Variants in TMCO6 observed in about 807,000 individuals in gnomAD.
TMCO6 encodes the protein transmembrane and coiled-coil domain-containing protein 6.
TMCO6 carries 47 observed loss-of-function variants against 61.8 expected under a neutral mutation model. The observed-to-expected ratio is 0.76, with a 90% confidence interval of 0.60 to 0.97. The LOEUF (loss-of-function observed/expected upper bound fraction) is 0.97, where lower values mean the gene tolerates loss of function less well. TMCO6 is among the 50% of genes least tolerant of loss of function. The pLI is 0.00. For missense variants in TMCO6, 557 were observed against 601.6 expected (o/e 0.93, Z 0.78); for synonymous variants, 261 against 254.2 (o/e 1.03, Z -0.25).
At chr5:140,624,836 ATTTC>A in the TMCO6 span, among the ~76,000 whole-genome samples, 615 of 137,390 alleles carry the variant, frequency 4.5e-3, 17 homozygotes, top group Middle Eastern at 8.2e-3. Flanking sequence ...CCTCACCATC[ATTTC>A]TTTCTTTCTT....
the TMCO6 span, among the ~76,000 whole-genome samples, chr5:140,601,654 T>C: frequency 2.0e-5 from 3 of 152,136 alleles, no homozygotes; most frequent in African/African-American, 7.2e-5. Context: ...CTCCCTTCCT[T>C]ATAAGGATGA....
chr5:140,606,133 C>T, the TMCO6 span, among the ~76,000 whole-genome samples: 1 of 58,614 alleles, frequency 1.7e-5, no homozygotes, highest in African/African-American at 1.3e-4. Flanking sequence ...TTCCTTTTCC[C>T]CTTCCTTCCT....
At chr5:140,647,385 G>C (rs1390545881), downstream of TMCO6, 1 of 1,610,780 alleles carries the variant, frequency 6.2e-7, no homozygotes. Flanking sequence ...AGAGAGCGCC[G>C]CGCGTGCTGT....
intron 6 of TMCO6, 65 bp downstream of exon 6, chr5:140,642,736 G>T: frequency 1.9e-6 from 3 of 1,587,980 alleles, no homozygotes; most frequent in Non-Finnish European, 2.6e-6. Context: ...GCTCCCGGAT[G>T]CCTGAATGAT....
chr5:140,645,699 G>A, downstream of TMCO6: 1 of 1,614,194 alleles, frequency 6.2e-7, no homozygotes, highest in South Asian at 1.1e-5. Flanking sequence ...AGAGGGAGGT[G>A]TCTTTAACTA....
chr5:140,635,536 G>A (rs1404488494), upstream of TMCO6, among the ~76,000 whole-genome samples: 1 of 152,152 alleles, frequency 6.6e-6, no homozygotes, highest in Non-Finnish European at 1.5e-5. Flanking sequence ...TCCAAGTTAA[G>A]AGGGGCAGTG....
upstream of TMCO6, among the ~76,000 whole-genome samples, chr5:140,637,824 A>T (rs1474593795): frequency 6.6e-6 from 1 of 152,182 alleles, no homozygotes; most frequent in African/African-American, 2.4e-5. Context: ...AGAAAAATTT[A>T]AAATCTACCT....
At chr5:140,626,441 C>T in the TMCO6 span, among the ~76,000 whole-genome samples, 1 of 152,120 alleles carries the variant, frequency 6.6e-6, no homozygotes, top group African/African-American at 2.4e-5. Flanking sequence ...CACTTTGTCA[C>T]CCTGGCTGGA....
rs757671520 is a variant in TMCO6 at position 140,642,659 on chromosome 5, A to G, written c.677A>G (p.Glu226Gly). 1.3e-4 allele frequency: 203 copies of G among 1,614,074 alleles called. 1 individual carries two copies. The South Asian group carries it at 2.0e-3, about 16-fold the overall frequency. Residue 226 changes from glutamate (E) to glycine (G), a missense_variant, in exon 6 of 12, where the codon GAG becomes GGG. Physicochemically the swap from Glu to Gly is moderately conservative, Grantham distance 98. Coordinates refer to ENST00000394671, the MANE Select transcript of TMCO6 (RefSeq NM_018502.5). ...CTTCTACAGGCTGAGGAAGCTCCAG[A>G]GAAGATCATTCCGTGAGTAAAATTG... The part of the protein sequence containing the change: ...SQLLQAEEAP[E>G]KIIPSILAST...
At chr5:140,610,325 C>T in the TMCO6 span, among the ~76,000 whole-genome samples, 4 of 152,146 alleles carry the variant, frequency 2.6e-5, no homozygotes, top group South Asian at 6.2e-4. Flanking sequence ...CCACTCCACT[C>T]CAGCCTGGCG....
chr5:140,607,189 A>T, the TMCO6 span, among the ~76,000 whole-genome samples: 1 of 151,848 alleles, frequency 6.6e-6, no homozygotes, highest in Non-Finnish European at 1.5e-5. Context: ...TTATGCAATA[A>T]CTCCCTGTCT....
the TMCO6 span, among the ~76,000 whole-genome samples, chr5:140,625,660 C>T: frequency 1.3e-5 from 2 of 152,216 alleles, no homozygotes; most frequent in Non-Finnish European, 2.9e-5. Flanking sequence ...AATATGAACA[C>T]TTTAAGAGCA....
the TMCO6 span, chr5:140,632,374 T>C: frequency 1.9e-5 from 30 of 1,614,152 alleles, no homozygotes; most frequent in Admixed American, 3.3e-4. This position sits in a 1 kb window ranked among gnomAD's most constrained non-coding sequence, Gnocchi z 6.2. Flanking sequence ...AGTCCAGGAT[T>C]GTCAGACAGG....
the TMCO6 span, among the ~76,000 whole-genome samples, chr5:140,628,220 A>C: frequency 6.6e-6 from 1 of 151,730 alleles, no homozygotes; most frequent in South Asian, 2.1e-4. Flanking sequence ...CACAACTTAC[A>C]CAGACCATCT....
chr5:140,644,999 C>T lies in TMCO6; in HGVS notation c.1383C>T (p.Phe461=). Residue 461 remains phenylalanine (F), a synonymous_variant, in exon 12 of 12, where the codon TTC becomes TTT. Coordinates refer to ENST00000394671, the MANE Select transcript of TMCO6 (RefSeq NM_018502.5). ...FLYQPEAVQV[F]LQQSGLQALE... is the part of the protein sequence containing the mutation. ...CCTGCCCCTAGGCTGTTCAGGTCTT[C>T]CTGCAGCAGTCAGGGCTGCAAGCCC... is the stretch of plus-strand genomic sequence containing the variant. The T allele has an allele frequency of 6.2e-7, 1 of 1,614,164 alleles. No homozygotes were observed. Among genetic ancestry groups the T allele is most frequent in the Non-Finnish European group, 8.5e-7 (1 of 1,180,032 alleles).
At chr5:140,599,127 T>C in the TMCO6 span, among the ~76,000 whole-genome samples, 21 of 152,212 alleles carry the variant, frequency 1.4e-4, no homozygotes, top group African/African-American at 5.1e-4. Flanking sequence ...ACAGTTCTTG[T>C]TGGCATTTTG....
chr5:140,638,545 ATTTCTTTC>A (rs200557077), upstream of TMCO6, among the ~76,000 whole-genome samples: 2 of 147,306 alleles, frequency 1.4e-5, no homozygotes, highest in Non-Finnish European at 3.0e-5. Flanking sequence ...CATATCCCAG[ATTTCTTTC>A]TTTCTTTCTT....
At chr5:140,643,343 C>G (rs1446035170) in intron 7 of TMCO6, 1 of 585,344 alleles carries the variant, frequency 1.7e-6, no homozygotes, top group Non-Finnish European at 3.0e-6. Context: ...ACTACAGATG[C>G]GTGCCACTAT....
chr5:140,622,091 C>T, the TMCO6 span, among the ~76,000 whole-genome samples: 2 of 152,170 alleles, frequency 1.3e-5, no homozygotes, highest in Non-Finnish European at 2.9e-5. Context: ...TGACCCACAC[C>T]TATTCGCACA....
Sources: allele counts gnomAD v4.1 joint callset (sites outside exome capture counted in the v4.1 genomes callset), GRCh38; gene constraint gnomAD v4.1.1; non-coding constraint Gnocchi (gnomAD v3.1); transcripts MANE v1.5; gene names NCBI Gene and HGNC (gene_info 2026-07-23, HGNC 2026-07-21).